GRIP2: variants seen among roughly 807,000 people sequenced by gnomAD.
GRIP2 encodes the protein glutamate receptor-interacting protein 2.
A neutral mutation model predicts 108.3 loss-of-function variants in GRIP2; 58 were observed. The ratio of observed to expected loss-of-function variants is 0.54; its 90% CI spans 0.43 to 0.67. The LOEUF is 0.67. Among genes scored for constraint, GRIP2 ranks in the 30% least tolerant of loss-of-function variants. The pLI, the probability that GRIP2 is intolerant of heterozygous loss-of-function variation, is 0.00. For missense variants in GRIP2, 1,278 were observed against 1,430.6 expected, an observed-to-expected ratio of 0.89 and a Z score of 1.72; for synonymous variants, 586 against 598.2, an observed-to-expected ratio of 0.98 and a Z score of 0.30.
chr3:14,582,734 C>T, the GRIP2 span, among the ~76,000 whole-genome samples: 1 of 152,192 alleles, frequency 6.6e-6, no homozygotes, highest in Non-Finnish European at 1.5e-5. Context: ...AGCATCTCAG[C>T]TGAGAGGGTG....
chr3:14,522,714 A>G lies in GRIP2; in HGVS notation c.566+286T>C, dbSNP rs1326359259. ...TAGGGACCATTCCACAGACGGGAAA[A>G]CCAAGGAGCAGGAAAGGGAAGAACG... On this transcript the variant is annotated intron_variant, in intron 6 of 23. Transcript: ENST00000621039. The surrounding 1 kb of genome is among the most constrained non-coding windows in gnomAD (Gnocchi z 4.3). 1 of 414,560 alleles carries G rather than the reference A, an allele frequency of 2.4e-6. No individual in the cohort carries two copies. Among genetic ancestry groups the G allele is most frequent in the Non-Finnish European group, 4.4e-6 (1 of 227,064 alleles). The allele number at this position is 414,560 out of a possible 1,614,324, so 25.7% of individuals were successfully genotyped here.
chr3:14,598,012 C>T, the GRIP2 span, among the ~76,000 whole-genome samples: 1 of 152,200 alleles, frequency 6.6e-6, no homozygotes, highest in Non-Finnish European at 1.5e-5. Context: ...TGATTTAAGG[C>T]AATGAGCAGA....
intron 1 of GRIP2, among the ~76,000 whole-genome samples, chr3:14,554,906 G>A (rs1695210008): frequency 6.6e-6 from 1 of 152,206 alleles, no homozygotes. Context: ...GTGGTGCTGA[G>A]TGCATGTCTG....
At chr3:14,520,011 T>C (rs1369805395) in intron 9 of GRIP2, 99 bp downstream of exon 9, 5 of 1,157,386 alleles carry the variant, frequency 4.3e-6, no homozygotes, top group African/African-American at 1.6e-5. Flanking sequence ...TAGTACATTT[T>C]AGCCTGCTCC....
chr3:14,517,858 G>A lies in GRIP2; in HGVS notation c.1070C>T (p.Pro357Leu), dbSNP rs1263788792. The A allele has an allele frequency of 1.1e-5, 18 of 1,596,694 alleles. No homozygotes were observed. The highest frequency in any genetic ancestry group is 1.5e-5 in the Non-Finnish European group (17 of 1,172,332). Reference protein sequence around the residue: ...QRSEQLHRWDPCVPSCHSPRP... With the variant: ...QRSEQLHRWDLCVPSCHSPRP... The stretch of plus-strand genomic sequence containing the variant: ...GGGGCTGTGGCAGGAGGGCACGCAG[G>A]GGTCCCAGCGGTGCAGCTGCTCACT... Residue 357 changes from proline to leucine, a missense_variant, in exon 10 of 24, where the codon CCC becomes CTC. Physicochemically the swap from Pro to Leu is moderately conservative, Grantham distance 98. Transcript: ENST00000621039.
the GRIP2 span, chr3:14,573,832 G>A: frequency 6.7e-7 from 1 of 1,490,954 alleles, no homozygotes; most frequent in Non-Finnish European, 9.3e-7. Flanking sequence ...GAATGGATGG[G>A]TCACTTCACC....
chr3:14,511,538 G>C lies in GRIP2; in HGVS notation c.1721-59C>G. On this transcript the variant is annotated intron_variant, in intron 14 of 23. Transcript: ENST00000621039. The surrounding 1 kb of genome is among the most constrained non-coding windows in gnomAD (Gnocchi z 4.1). ...TGGCCTCAGCCTGGGGTGGGGTGGC[G>C]AAGCCCAGGGGTCTGAGTGTGGACT... The C allele has an allele frequency of 6.5e-7, 1 of 1,532,376 alleles. No homozygotes were observed. Among genetic ancestry groups the C allele is most frequent in the Non-Finnish European group, 9.0e-7 (1 of 1,113,092 alleles). The allele number at this position is 1,532,376 out of a possible 1,614,324, so 94.9% of individuals were successfully genotyped here.
In GRIP2 at chr3:14,507,273, G is replaced by C. The variant is rs925121778; in HGVS notation, c.2218+288C>G. 2.0e-5 allele frequency among the ~76,000 whole-genome samples: 3 copies of C among 152,184 alleles called. No individual in the cohort carries two copies. The highest frequency in any genetic ancestry group is 7.2e-5 in the African/African-American group (3 of 41,428). The stretch of plus-strand genomic sequence containing the variant: ...CCAAGGCACGGGGACGTATTCAGGG[G>C]CAGCTGAGGAATGCATGAGTTATGG... On this transcript the variant is annotated intron_variant, in intron 18 of 23. Coordinates refer to ENST00000621039, the MANE Select transcript of GRIP2 (RefSeq NM_001080423.4). The surrounding 1 kb of genome is among the most constrained non-coding windows in gnomAD (Gnocchi z 4.6).
chr3:14,549,487 G>A (rs907991261), intron 1 of GRIP2, among the ~76,000 whole-genome samples: 13 of 152,316 alleles, frequency 8.5e-5, no homozygotes, highest in East Asian at 5.8e-4. Context: ...GGCTGAACAC[G>A]GTGGTGGCCA....
intron 1 of GRIP2, among the ~76,000 whole-genome samples, chr3:14,547,539 G>A (rs2124973473): frequency 6.6e-6 from 1 of 152,370 alleles, no homozygotes; most frequent in Non-Finnish European, 1.5e-5. Context: ...TGGCATGTTA[G>A]AAGTTGGAAC....
chr3:14,500,070 A>G (rs765293329), intron 21 of GRIP2, among the ~76,000 whole-genome samples: 5 of 152,184 alleles, frequency 3.3e-5, no homozygotes, highest in Non-Finnish European at 7.3e-5. Flanking sequence ...GAAGATTAAA[A>G]CAAAACAAAA....
At chr3:14,571,934 G>A in the GRIP2 span, among the ~76,000 whole-genome samples, 13 of 152,230 alleles carry the variant, frequency 8.5e-5, no homozygotes, top group Non-Finnish European at 1.9e-4. Context: ...GGAGCAACTG[G>A]AACTCTCAGA....
intron 1 of GRIP2, among the ~76,000 whole-genome samples, chr3:14,552,431 G>C (rs752764370): frequency 6.6e-6 from 1 of 152,144 alleles, no homozygotes; most frequent in Non-Finnish European, 1.5e-5. Context: ...TACCTATGAC[G>C]TAATAGATGC....
intron 1 of GRIP2, chr3:14,531,088 C>T (rs1256128388): frequency 6.6e-6 from 1 of 152,148 alleles, no homozygotes; most frequent in Non-Finnish European, 1.5e-5. Context: ...TAAGCGAGTA[C>T]GTATTCTGAA....
the GRIP2 span, among the ~76,000 whole-genome samples, chr3:14,563,927 G>A: frequency 1.3e-5 from 2 of 152,096 alleles, no homozygotes; most frequent in Non-Finnish European, 2.9e-5. Flanking sequence ...TTCACATGGC[G>A]ACCGAGTGGC....
At chr3:14,533,071 A>G (rs937308867) in intron 1 of GRIP2, among the ~76,000 whole-genome samples, 1 of 152,248 alleles carries the variant, frequency 6.6e-6, no homozygotes, top group Non-Finnish European at 1.5e-5. Flanking sequence ...TTGGGTCCTC[A>G]GCAGCTCCGC....
At chr3:14,496,666 G>T in intron 21 of GRIP2, 106 bp from the exon 22 acceptor site, 1 of 1,440,064 alleles carries the variant, frequency 6.9e-7, no homozygotes. Context: ...GGACAATGGT[G>T]AACAGGACAG....
Position 14,521,541 on chromosome 3 carries a change from T to C in GRIP2, c.712+101A>G, listed in dbSNP as rs962602561. 7.7e-7 allele frequency: 1 copy of C among 1,293,812 alleles called. No homozygotes were observed. Among genetic ancestry groups the C allele is most frequent in the African/African-American group, 1.5e-5 (1 of 66,918 alleles). The allele number at this position is 1,293,812 out of a possible 1,614,324, so 80.1% of individuals were successfully genotyped here. ...CTGTGACTGGCCCAAGGTCATAAGG[T>C]CATGCAGCCTTTGCAGTGGTAAAGA... On this transcript the variant is annotated intron_variant, in intron 7 of 23. Transcript: ENST00000621039. This position sits in a 1 kb window ranked among gnomAD's most constrained non-coding sequence, Gnocchi z 5.1.
the GRIP2 span, among the ~76,000 whole-genome samples, chr3:14,568,271 G>C: frequency 1.3e-5 from 2 of 152,228 alleles, no homozygotes; most frequent in African/African-American, 4.8e-5. Flanking sequence ...GGGAAGACCA[G>C]TGAAGAGGCC....
Sources: allele counts gnomAD v4.1 joint callset (sites outside exome capture counted in the v4.1 genomes callset), GRCh38; gene constraint gnomAD v4.1.1; non-coding constraint Gnocchi (gnomAD v3.1); transcripts MANE v1.5; gene names NCBI Gene and HGNC (gene_info 2026-07-23, HGNC 2026-07-21).